FBN1: variants seen among roughly 807,000 people sequenced by gnomAD.
The protein encoded by FBN1 is fibrillin 1, also known as fibrillin-1.
In FBN1, 29 loss-of-function variants were observed where a neutral mutation model predicts 365.1. The observed-to-expected ratio is 0.08, with a 90% CI of 0.06 to 0.11. The LOEUF is 0.11. Among genes scored for constraint, FBN1 ranks in the 10% least tolerant of loss-of-function variants. FBN1 has a pLI of 1.00. For synonymous variants in FBN1, 1,210 were observed against 1,270.5 expected (o/e 0.95, Z 1.01); for missense variants, 2,476 against 3,703.2 (o/e 0.67, Z 8.60).
At chr15:48,523,776 A>G (rs904921154) in intron 9 of FBN1, among the ~76,000 whole-genome samples, 47 of 151,734 alleles carry the variant, frequency 3.1e-4, no homozygotes, top group African/African-American at 1.1e-3. Context: ...TGGCTGTAGA[A>G]TAACTTGAAG....
chr15:48,469,591 A>G (rs912338259), intron 36 of FBN1, among the ~76,000 whole-genome samples: 2 of 152,140 alleles, frequency 1.3e-5, no homozygotes, highest in African/African-American at 4.8e-5. Flanking sequence ...GAAGAGGGAC[A>G]ACACCTTTGC....
chr15:48,538,580 G>C (rs780994258), intron 6 of FBN1, among the ~76,000 whole-genome samples: 55 of 151,080 alleles, frequency 3.6e-4, no homozygotes, highest in Admixed American at 7.9e-4. Flanking sequence ...TATAAGATCT[G>C]CCTCTTTTTT....
intron 23 of FBN1, 40 bp downstream of exon 23, chr15:48,494,164 T>C (rs750017219): frequency 6.7e-7 from 1 of 1,500,802 alleles, no homozygotes; most frequent in South Asian, 1.1e-5. Flanking sequence ...ACATTCATTA[T>C]GCACACAAAA....
intron 62 of FBN1, 70 bp from the exon 63 acceptor site, chr15:48,420,876 A>T: frequency 6.3e-7 from 1 of 1,582,930 alleles, no homozygotes; most frequent in Non-Finnish European, 8.6e-7. Context: ...GATTCTAATA[A>T]GAAATCTGGC....
At chr15:48,509,985 A>T in intron 14 of FBN1, 59 bp downstream of exon 14, 1 of 1,577,826 alleles carries the variant, frequency 6.3e-7, no homozygotes. Context: ...CTTGTTAAAG[A>T]CCCCTGATAT....
chr15:48,582,523 G>A (rs1457816004), intron 6 of FBN1, among the ~76,000 whole-genome samples: 3 of 152,150 alleles, frequency 2.0e-5, no homozygotes, highest in African/African-American at 4.8e-5. Context: ...GTGTTGCTAG[G>A]TGGTTGTTGT....
At chr15:48,584,421 T>A (rs2044420507) in intron 6 of FBN1, among the ~76,000 whole-genome samples, 1 of 152,240 alleles carries the variant, frequency 6.6e-6, no homozygotes. Flanking sequence ...TTAAAATGAT[T>A]GTCATGTGAT....
chr15:48,635,335 A>C (rs540391773), intron 2 of FBN1, among the ~76,000 whole-genome samples: 1 of 152,336 alleles, frequency 6.6e-6, no homozygotes, highest in East Asian at 1.9e-4. Context: ...AGTGGTAGTC[A>C]CAAGAAATTT....
Position 48,415,548 on chromosome 15 carries a change from C to A in FBN1, c.8039G>T (p.Arg2680Leu). Residue 2680 changes from arginine to leucine, a missense_variant, in exon 64 of 66, where the codon CGC becomes CTC. By Grantham distance (102) the Arg-to-Leu change is moderately radical. Transcript: ENST00000316623. ...GAGCACTGCTTACCCTTGGCCTATGCGGAAGTAACCAGGTGGACAGCCACA... is the reference window on the plus strand; with the variant it reads ...GAGCACTGCTTACCCTTGGCCTATGAGGAAGTAACCAGGTGGACAGCCACA... ...YLCGCPPGYF[R>L]IGQGHCVSGM... 6.2e-7 allele frequency: 1 copy of A among 1,613,282 alleles called. No homozygotes were observed. Among genetic ancestry groups the A allele is most frequent in the Non-Finnish European group, 8.5e-7 (1 of 1,179,218 alleles).
chr15:48,456,885 G>C, intron 43 of FBN1, 123 bp from the exon 44 acceptor site: 1 of 788,106 alleles, frequency 1.3e-6, no homozygotes, highest in Non-Finnish European at 1.9e-6. Context: ...TGCATGTGTT[G>C]GGGTGGTGGT....
At chr15:48,465,721 T>C (rs769748767) in intron 39 of FBN1, 28 bp from the exon 40 acceptor site, 7 of 1,613,862 alleles carry the variant, frequency 4.3e-6, no homozygotes, top group Non-Finnish European at 3.4e-6. Context: ...AAGGCATTCC[T>C]TTAGCATTGT....
intron 22 of FBN1, among the ~76,000 whole-genome samples, chr15:48,494,775 A>G (rs1231679847): frequency 6.6e-6 from 1 of 152,208 alleles, no homozygotes. Context: ...AAGTTTAGTC[A>G]TGAATACCGG....
intron 63 of FBN1, among the ~76,000 whole-genome samples, chr15:48,415,973 T>C (rs1033211427): frequency 2.0e-5 from 3 of 152,002 alleles, no homozygotes; most frequent in African/African-American, 7.2e-5. Flanking sequence ...TGAGTAAACA[T>C]GGAAGATGAA....
chr15:48,445,536 T>C (rs2043152229), intron 47 of FBN1, 32 bp from the exon 48 acceptor site: 2 of 1,607,368 alleles, frequency 1.2e-6, no homozygotes, highest in Non-Finnish European at 1.7e-6. Flanking sequence ...TCCTTTAATA[T>C]ATTCCAAAGA....
intron 63 of FBN1, among the ~76,000 whole-genome samples, chr15:48,417,446 C>T (rs79184333): frequency 6.6e-4 from 7 of 10,560 alleles, no homozygotes; most frequent in African/African-American, 3.0e-3. Context: ...TCCCCTCCCT[C>T]CTTTCCTTCC....
intron 6 of FBN1, among the ~76,000 whole-genome samples, chr15:48,542,838 T>C (rs1428527308): frequency 6.6e-6 from 1 of 150,544 alleles, no homozygotes; most frequent in East Asian, 1.9e-4. Context: ...TGTATTTTTT[T>C]TCCTTCTTTC....
chr15:48,541,683 TA>T (rs757944999), intron 6 of FBN1, among the ~76,000 whole-genome samples: 25 of 152,158 alleles, frequency 1.6e-4, no homozygotes, highest in Non-Finnish European at 3.1e-4. Flanking sequence ...TATTTACAAT[TA>T]TTCCCATAGC....
At chr15:48,488,575 T>C (rs531643190) in intron 25 of FBN1, 82 bp from the exon 26 acceptor site, 108 of 1,530,128 alleles carry the variant, frequency 7.1e-5, no homozygotes, top group Non-Finnish European at 9.3e-5. Context: ...TTTTAAATCA[T>C]GAAGGTTGGA....
chr15:48,453,311 CA>C lies in FBN1; in HGVS notation c.5423-628del, dbSNP rs143853135. ...AAAACAAACAAAAAAAAAACACACA[CA>C]AAAAAAAAGGAAAAAAAAAGGAAAA... On this transcript the variant is annotated intron_variant, in intron 44 of 65. Coordinates refer to ENST00000316623, the MANE Select transcript of FBN1 (RefSeq NM_000138.5). Among the ~76,000 whole-genome samples the C allele has an allele frequency of 6.8e-3, 692 of 101,420 alleles. 5 individuals carry two copies. The highest frequency in any genetic ancestry group is 0.017 in the African/African-American group (469 of 27,828). 66.5% of individuals were successfully genotyped at this position (101,420 alleles called of 152,430 possible).
Sources: allele counts gnomAD v4.1 joint callset (sites outside exome capture counted in the v4.1 genomes callset), GRCh38; gene constraint gnomAD v4.1.1; transcripts MANE v1.5; gene names NCBI Gene and HGNC (gene_info 2026-07-23, HGNC 2026-07-21).